The following CRKL variants were observed in gnomAD, a reference collection of about 807,000 sequenced individuals.
CRKL encodes crk-like protein.
In CRKL, 3 loss-of-function variants were observed where a neutral mutation model predicts 23.0. The observed-to-expected ratio is 0.13, with a 90% CI of 0.06 to 0.34. The LOEUF is 0.34. CRKL is among the 10% of genes least tolerant of loss of function. CRKL has a pLI of 1.00. For synonymous variants in CRKL, 188 were observed against 160.7 expected, an observed-to-expected ratio of 1.17 and a Z score of -1.28; for missense variants, 256 against 394.5, an observed-to-expected ratio of 0.65 and a Z score of 2.97.
In CRKL at chr22:20,917,511, G is replaced by C; in HGVS notation, c.-424G>C. ...GAACAAGCTGGGCAAAAGCACCCCG[G>C]AGGCGCGACGCTCCTTCGAGTTCGG... On this transcript the variant is annotated 5_prime_UTR_variant, in exon 1 of 3. Coordinates refer to ENST00000354336, the MANE Select transcript of CRKL (RefSeq NM_005207.4). 1 of 257,348 alleles carries C rather than the reference G, an allele frequency of 3.9e-6. No individual in the cohort carries two copies. Among genetic ancestry groups the C allele is most frequent in the Non-Finnish European group, 7.4e-6 (1 of 134,856 alleles). 15.9% of individuals were successfully genotyped at this position (257,348 alleles called of 1,614,324 possible).
intron 1 of CRKL, among the ~76,000 whole-genome samples, chr22:20,926,952 A>G (rs1043438158): frequency 1.3e-5 from 2 of 151,550 alleles, no homozygotes; most frequent in African/African-American, 4.8e-5. Context: ...TCTCTACTAA[A>G]ATATAAAAAA....
intron 1 of CRKL, among the ~76,000 whole-genome samples, chr22:20,920,748 G>C (rs766029688): frequency 8.6e-5 from 13 of 151,932 alleles, no homozygotes; most frequent in South Asian, 2.1e-4. Context: ...TTGCACCTTT[G>C]CTCCAGCTGT....
rs765689401 is a variant in CRKL at position 20,952,753 on chromosome 22, G to A, written c.*2908G>A. ...TTCACCTGGGAAGGAAACAAATTAC[G>A]TACTAGAGGGCATTGACTGGTTAAA... On this transcript the variant is annotated 3_prime_UTR_variant, in exon 3 of 3. Coordinates refer to ENST00000354336, the MANE Select transcript of CRKL (RefSeq NM_005207.4). 5 of 231,584 alleles carry A rather than the reference G, an allele frequency of 2.2e-5. No individual in the cohort carries two copies. Among genetic ancestry groups the A allele is most frequent in the Admixed American group, 5.6e-5 (1 of 17,730 alleles). The allele number at this position is 231,584 out of a possible 1,614,324, so 14.3% of individuals were successfully genotyped here. A position where few individuals can be genotyped will look rare whatever the true frequency, so the allele number is the denominator to read the frequency against.
chr22:20,944,139 CTTTTTTTTTT>C (rs57177824), intron 2 of CRKL, among the ~76,000 whole-genome samples: 2 of 105,858 alleles, frequency 1.9e-5, no homozygotes, highest in Admixed American at 1.1e-4. Context: ...GTAGTATTAG[CTTTTTTTTTT>C]TTTTTTTTTT....
At chr22:20,938,906 G>A (rs1921759438) in intron 2 of CRKL, among the ~76,000 whole-genome samples, 1 of 152,184 alleles carries the variant, frequency 6.6e-6, no homozygotes, top group Non-Finnish European at 1.5e-5. Flanking sequence ...GGGAATTGAA[G>A]TCAGTGAAAC....
intron 2 of CRKL, among the ~76,000 whole-genome samples, chr22:20,948,810 T>C (rs1601687443): frequency 6.6e-6 from 1 of 152,142 alleles, no homozygotes; most frequent in Admixed American, 6.5e-5. Flanking sequence ...CTATATGTGT[T>C]TAAGCAGACA....
At chr22:20,930,044 A>G (rs1921381613) in intron 1 of CRKL, among the ~76,000 whole-genome samples, 1 of 152,202 alleles carries the variant, frequency 6.6e-6, no homozygotes, top group South Asian at 2.1e-4. Context: ...GGTGAGATTG[A>G]TTTGGTGTCA....
chr22:20,947,676 A>ATTTTTTTTTTTTTTT (rs59126952), intron 2 of CRKL, among the ~76,000 whole-genome samples: 1 of 90,528 alleles, frequency 1.1e-5, no homozygotes, highest in African/African-American at 4.4e-5. Flanking sequence ...TCTTTTTTTC[A>ATTTTTTTTTTTTTTT]TTTTTTTTTT....
At chr22:20,939,547 A>G (rs1156374367) in intron 2 of CRKL, among the ~76,000 whole-genome samples, 1 of 151,750 alleles carries the variant, frequency 6.6e-6, no homozygotes, top group Non-Finnish European at 1.5e-5. Context: ...CGCCTGGCCC[A>G]TAACAGTTTC....
chr22:20,934,067 C>T lies in CRKL; in HGVS notation c.600C>T (p.Ile200=), dbSNP rs2147905424. 1.9e-6 allele frequency: 3 copies of T among 1,614,182 alleles called. No individual in the cohort carries two copies. The highest frequency in any genetic ancestry group is 2.5e-6 in the Non-Finnish European group (3 of 1,180,046). The part of the protein sequence containing the change: ...HGNRNSNSYG[I]PEPAHAYAQP... Reference sequence around the variant, plus strand: ...ATAGGAATTCCAACAGTTATGGGATCCCAGAACCTGCTCATGCATACGCTC... The same window carrying T: ...ATAGGAATTCCAACAGTTATGGGATTCCAGAACCTGCTCATGCATACGCTC... Residue 200 remains isoleucine (I), a synonymous_variant, in exon 2 of 3, where the codon ATC becomes ATT. Transcript: ENST00000354336.
intron 1 of CRKL, among the ~76,000 whole-genome samples, chr22:20,921,770 GC>G (rs1203826888): frequency 6.6e-6 from 1 of 150,494 alleles, no homozygotes; most frequent in Non-Finnish European, 1.5e-5. Context: ...GCTGGAGTGT[GC>G]GATCTCGGCT....
rs1922349385 is a variant in CRKL at position 20,953,402 on chromosome 22, A to G, written c.*3557A>G. 8.8e-6 allele frequency: 2 copies of G among 226,974 alleles called. No homozygotes were observed. The highest frequency in any genetic ancestry group is 1.3e-4 in the East Asian group (2 of 15,974). 14.1% of individuals were successfully genotyped at this position (226,974 alleles called of 1,614,324 possible). A position where few individuals can be genotyped will look rare whatever the true frequency, so the allele number is the denominator to read the frequency against. On this transcript the variant is annotated 3_prime_UTR_variant, in exon 3 of 3. Coordinates refer to ENST00000354336, the MANE Select transcript of CRKL (RefSeq NM_005207.4). Reference sequence around the variant, plus strand: ...GAGGAACAGTGGCCTTGCTTCTTAGACGGTCTTCACTGTGTGTTTTAAAAC... The same window carrying G: ...GAGGAACAGTGGCCTTGCTTCTTAGGCGGTCTTCACTGTGTGTTTTAAAAC...
At chr22:20,919,244 G>T (rs1428672095) in intron 1 of CRKL, among the ~76,000 whole-genome samples, 1 of 152,088 alleles carries the variant, frequency 6.6e-6, no homozygotes, top group Non-Finnish European at 1.5e-5. Flanking sequence ...AGGTGCATTG[G>T]CTTCAGCGAG....
chr22:20,923,867 C>T (rs1421287970), intron 1 of CRKL, among the ~76,000 whole-genome samples: 1 of 151,444 alleles, frequency 6.6e-6, no homozygotes, highest in Non-Finnish European at 1.5e-5. Context: ...CGTAAGTCAC[C>T]GCGCCTGGCT....
chr22:20,941,614 A>ATTTTTTTT (rs1921888056), intron 2 of CRKL, among the ~76,000 whole-genome samples: 1 of 19,100 alleles, frequency 5.2e-5, no homozygotes, highest in Non-Finnish European at 8.7e-5. Context: ...TTTTTTTTTG[A>ATTTTTTTT]GATAGAGTCT....
chr22:20,925,189 A>AG (rs1921154551), intron 1 of CRKL, among the ~76,000 whole-genome samples: 1 of 148,490 alleles, frequency 6.7e-6, no homozygotes, highest in Non-Finnish European at 1.5e-5. Flanking sequence ...TCCGTCTCAA[A>AG]AAAAAAAAAA....
intron 1 of CRKL, among the ~76,000 whole-genome samples, chr22:20,927,625 T>A (rs1921272962): frequency 6.7e-6 from 1 of 149,952 alleles, no homozygotes; most frequent in Non-Finnish European, 1.5e-5. Flanking sequence ...GGTGGATCAC[T>A]TGAGGTCAGG....
At chr22:20,924,147 C>T (rs1921104881) in intron 1 of CRKL, among the ~76,000 whole-genome samples, 1 of 152,122 alleles carries the variant, frequency 6.6e-6, no homozygotes, top group South Asian at 2.1e-4. Context: ...ATGATCATGC[C>T]ACTGCACTTC....
Position 20,924,342 on chromosome 22 carries a change from A to G in CRKL, c.311+6097A>G, listed in dbSNP as rs371682850. On this transcript the variant is annotated intron_variant, in intron 1 of 2. Coordinates refer to ENST00000354336, the MANE Select transcript of CRKL (RefSeq NM_005207.4). ...TCACACACCTGTGAAGTAGAAGCCA[A>G]TCCCTGAAGGGACAGGAGGAAACAA... Among the ~76,000 whole-genome samples the G allele has an allele frequency of 3.3e-5, 5 of 152,316 alleles. No homozygotes were observed. In the East Asian group the frequency reaches 9.6e-4, roughly 29 times the overall value.
Sources: allele counts gnomAD v4.1 joint callset (sites outside exome capture counted in the v4.1 genomes callset), GRCh38; gene constraint gnomAD v4.1.1; transcripts MANE v1.5; gene names NCBI Gene and HGNC (gene_info 2026-07-23, HGNC 2026-07-21).